Variants in SULF2 observed in about 807,000 individuals in gnomAD.
The protein encoded by SULF2 is extracellular sulfatase Sulf-2.
In SULF2, 52 loss-of-function variants were observed where a neutral mutation model predicts 107.7. That is an observed-to-expected ratio of 0.48 (90% CI 0.39 to 0.61). The LOEUF (loss-of-function observed/expected upper bound fraction) is 0.61, where lower values mean the gene tolerates loss of function less well. Among genes scored for constraint, SULF2 ranks in the 20% least tolerant of loss-of-function variants. The pLI, the probability that SULF2 is intolerant of heterozygous loss-of-function variation, is 0.00. For synonymous variants in SULF2, 460 were observed against 464.3 expected (o/e 0.99, Z 0.12); for missense variants, 993 against 1,177.3 (o/e 0.84, Z 2.29).
At position 47,688,024 on chromosome 20, in the gene SULF2, TGG is replaced by T. The variant is rs1491380301; in HGVS notation, c.737+2100_737+2101del. ...GTCTGTATGTATGTGACTGTGTGTG[TGG>T]GGGGGTGCATGGGGAGGGTGCAGGG... On this transcript the variant is annotated intron_variant, in intron 5 of 20. Coordinates refer to ENST00000688720, the MANE Select transcript of SULF2 (RefSeq NM_001387048.1). Among the ~76,000 whole-genome samples the T allele has an allele frequency of 3.8e-3, 574 of 151,960 alleles. 3 individuals are homozygous for T. Among genetic ancestry groups the T allele is most frequent in the African/African-American group, 0.013 (547 of 41,484 alleles).
rs183224914 is a variant in SULF2 at position 47,713,343 on chromosome 20, C to A, written c.416-10673G>T. 1.5e-3 allele frequency among the ~76,000 whole-genome samples: 221 copies of A among 152,206 alleles called. 1 individual carries two copies. Among genetic ancestry groups the A allele is most frequent in the African/African-American group, 5.0e-3 (206 of 41,554 alleles). ...TCCAGTGCATGGGATGGCCCTCCTC[C>A]CCCCGTAAAGAATGATCCAGCCCCA... On this transcript the variant is annotated intron_variant, in intron 3 of 20. Coordinates refer to ENST00000688720, the MANE Select transcript of SULF2 (RefSeq NM_001387048.1).
intron 11 of SULF2, among the ~76,000 whole-genome samples, chr20:47,669,135 C>T (rs775737177): frequency 2.0e-5 from 3 of 152,146 alleles, no homozygotes; most frequent in Non-Finnish European, 4.4e-5. Flanking sequence ...GGTCCAAGTC[C>T]GTGTCTCTCC....
At chr20:47,700,584 A>G (rs1287450026) in intron 4 of SULF2, among the ~76,000 whole-genome samples, 1 of 152,034 alleles carries the variant, frequency 6.6e-6, no homozygotes, top group African/African-American at 2.4e-5. Context: ...AAGTGCTGAT[A>G]AGGGATGCAG....
intron 1 of SULF2, among the ~76,000 whole-genome samples, chr20:47,757,987 T>C (rs1438364435): frequency 2.0e-5 from 3 of 152,048 alleles, no homozygotes; most frequent in Non-Finnish European, 4.4e-5. Context: ...CTGGCATGTG[T>C]GAGTGGCAGA....
chr20:47,718,331 TTA>T (rs1455615507), intron 3 of SULF2, among the ~76,000 whole-genome samples: 2 of 152,340 alleles, frequency 1.3e-5, no homozygotes, highest in African/African-American at 4.8e-5. Context: ...GTTACTGTTT[TTA>T]TCATAATATT....
In SULF2 at chr20:47,677,114, A is replaced by G; in HGVS notation, c.1214T>C (p.Met405Thr). 1 of 1,613,038 alleles carries G rather than the reference A, an allele frequency of 6.2e-7. No individual in the cohort carries two copies. Among genetic ancestry groups the G allele is most frequent in the Non-Finnish European group, 8.5e-7 (1 of 1,179,740 alleles). ...PVNRFHLKKK[M>T]RVWRDSFLVE... is the part of the protein sequence containing the mutation. The stretch of plus-strand genomic sequence containing the variant: ...CAAGAAGGAGTCCCGCCAGACCCTC[A>G]TCTTCTTTTTCAAGTGAAACCTGGA... The change falls in exon 9 of 21, where the codon ATG (methionine) becomes ACG (threonine). Residue 405 changes from methionine (M) to threonine (T), a missense_variant. Physicochemically the swap from Met to Thr is moderately conservative, Grantham distance 81 (BLOSUM62 -1). Around this residue, in one of 3 missense-constraint regions of SULF2, gnomAD observed 108 missense variants for 183.9 expected, o/e 0.59. Transcript: ENST00000688720.
chr20:47,755,618 C>A (rs1394861899), intron 2 of SULF2, among the ~76,000 whole-genome samples: 1 of 152,174 alleles, frequency 6.6e-6, no homozygotes, highest in Non-Finnish European at 1.5e-5. Flanking sequence ...GCACCCGGGT[C>A]TGAGCTTCCA....
Position 47,702,675 on chromosome 20 carries a change from G to T in SULF2, c.416-5C>A. On this transcript the variant is annotated splice_polypyrimidine_tract_variant and splice_region_variant and intron_variant, in intron 3 of 20. Transcript: ENST00000688720. ...TAAGATACTTCCCGAAGAAAGCTGCGGAGGGAGATGGATCAGGAGGCCACG... is the reference window on the plus strand; with the variant it reads ...TAAGATACTTCCCGAAGAAAGCTGCTGAGGGAGATGGATCAGGAGGCCACG... 1 of 1,613,448 alleles carries T rather than the reference G, an allele frequency of 6.2e-7. No homozygotes were observed. The highest frequency in any genetic ancestry group is 8.5e-7 in the Non-Finnish European group (1 of 1,179,856).
intron 2 of SULF2, among the ~76,000 whole-genome samples, chr20:47,756,980 G>A (rs1185081108): frequency 1.3e-5 from 2 of 152,188 alleles, no homozygotes; most frequent in Non-Finnish European, 2.9e-5. Context: ...ATCCAGGAAC[G>A]GTTGTGCAAC....
At chr20:47,682,601 C>T (rs1050883187) in intron 7 of SULF2, among the ~76,000 whole-genome samples, 13 of 152,172 alleles carry the variant, frequency 8.5e-5, no homozygotes, top group African/African-American at 2.9e-4. Context: ...CTCAGCTGAT[C>T]CCAGCTGACA....
At chr20:47,785,534 AAC>A (rs2090915971), upstream of SULF2, 2 of 96,278 alleles carry the variant, frequency 2.1e-5, no homozygotes, top group African/African-American at 3.8e-5. Flanking sequence ...CCCGCCCCCC[AAC>A]GCCGCCGCCA....
chr20:47,730,768 T>G (rs1220006844), intron 3 of SULF2, among the ~76,000 whole-genome samples: 1 of 152,134 alleles, frequency 6.6e-6, no homozygotes, highest in East Asian at 1.9e-4. Context: ...ACTTTTTTTT[T>G]GTTTTTTGTT....
At chr20:47,778,846 G>C (rs2090771299) in intron 1 of SULF2, among the ~76,000 whole-genome samples, 1 of 152,120 alleles carries the variant, frequency 6.6e-6, no homozygotes, top group South Asian at 2.1e-4. Flanking sequence ...AGGCTGGGGG[G>C]AGAAAACCAC....
At chr20:47,768,088 G>A (rs1172225603) in intron 1 of SULF2, among the ~76,000 whole-genome samples, 1 of 152,168 alleles carries the variant, frequency 6.6e-6, no homozygotes, top group Admixed American at 6.5e-5. Flanking sequence ...CCTTTGGCCT[G>A]ACTGGTCAGG....
At position 47,742,927 on chromosome 20, in the gene SULF2, A is replaced by ATTT. The variant is rs397837137; in HGVS notation, c.176-5988_176-5986dup. Among the ~76,000 whole-genome samples the ATTT allele has an allele frequency of 7.7e-4, 77 of 99,452 alleles. 2 individuals are homozygous for ATTT. The highest frequency in any genetic ancestry group is 1.2e-3 in the Non-Finnish European group (60 of 50,776). 65.2% of individuals were successfully genotyped at this position (99,452 alleles called of 152,430 possible). ...AGGGAGTTTCAGGATTCAAAACATG[A>ATTT]TTTTTTTTTTTTTTTTTTTTTTTTT... On this transcript the variant is annotated intron_variant, in intron 2 of 20. Coordinates refer to ENST00000688720, the MANE Select transcript of SULF2 (RefSeq NM_001387048.1).
Position 47,680,052 on chromosome 20 carries a change from G to GCTA in SULF2, c.1065-1251_1065-1249dup, listed in dbSNP as rs1361428276. ...ACTTATACCCTTAGAACACAGAGGA[G>GCTA]CTACTCAGTAAATATTGGCTAAGTG... On this transcript the variant is annotated intron_variant, in intron 7 of 20. Transcript: ENST00000688720. The surrounding 1 kb of genome is among the most constrained non-coding windows in gnomAD (Gnocchi z 4.2). 1.3e-5 allele frequency among the ~76,000 whole-genome samples: 2 copies of GCTA among 152,170 alleles called. No homozygotes were observed. The highest frequency in any genetic ancestry group is 2.9e-5 in the Non-Finnish European group (2 of 68,038).
chr20:47,673,828 C>A (rs2087555201), intron 10 of SULF2, among the ~76,000 whole-genome samples: 1 of 152,216 alleles, frequency 6.6e-6, no homozygotes, highest in South Asian at 2.1e-4. Flanking sequence ...AGCACAGGCC[C>A]AGAAGCCCAG....
At chr20:47,698,962 C>T (rs527656902) in intron 4 of SULF2, among the ~76,000 whole-genome samples, 2 of 152,218 alleles carry the variant, frequency 1.3e-5, no homozygotes, top group East Asian at 1.9e-4. Flanking sequence ...ACCCAGGAGA[C>T]AGAGGTTGTG....
chr20:47,758,486 G>T (rs1053758212), intron 1 of SULF2, among the ~76,000 whole-genome samples: 1 of 152,004 alleles, frequency 6.6e-6, no homozygotes, highest in African/African-American at 2.4e-5. Context: ...GTTTTAAGTT[G>T]CAGAATAAAT....
Sources: gnomAD v4.1 joint callset for allele counts (sites outside exome capture counted in the v4.1 genomes callset) on GRCh38, gnomAD v4.1.1 for gene constraint, gnomAD v4.1.1 regional missense constraint, Gnocchi (gnomAD v3.1) non-coding constraint, MANE v1.5 for transcripts, NCBI Gene and HGNC (gene_info 2026-07-23, HGNC 2026-07-21) for gene names.